ASIC2: variants seen among roughly 807,000 people sequenced by gnomAD.
ASIC2 encodes acid sensing ion channel subunit 2, also known as acid-sensing ion channel 2.
ASIC2 carries 25 observed loss-of-function variants against 57.3 expected under a neutral mutation model. That is an observed-to-expected ratio of 0.44 (90% CI 0.32 to 0.61). The LOEUF is 0.61. Among genes scored for constraint, ASIC2 ranks in the 20% least tolerant of loss-of-function variants. The probability of loss-of-function intolerance (pLI) is 0.06; values close to 1 mark genes in which losing one functional copy is unlikely to be tolerated. For missense variants in ASIC2, 641 were observed against 738.1 expected (o/e 0.87, Z 1.52); for synonymous variants, 319 against 307.5 (o/e 1.04, Z -0.39).
intron 1 of ASIC2, among the ~76,000 whole-genome samples, chr17:33,204,967 G>A (rs1213873217): frequency 6.6e-6 from 1 of 152,336 alleles, no homozygotes; most frequent in African/African-American, 2.4e-5. Flanking sequence ...GAGTCTACTT[G>A]AATGGACTAT....
intron 1 of ASIC2, among the ~76,000 whole-genome samples, chr17:34,083,721 G>A (rs972209851): frequency 1.3e-4 from 20 of 152,144 alleles, no homozygotes; most frequent in African/African-American, 4.8e-4. Context: ...ATTCTAACTG[G>A]TGTAAGATGA....
intron 1 of ASIC2, among the ~76,000 whole-genome samples, chr17:33,559,508 C>CTTGCCA (rs1342095080): frequency 6.6e-6 from 1 of 152,120 alleles, no homozygotes; most frequent in Non-Finnish European, 1.5e-5. Flanking sequence ...AGGTCGTGGT[C>CTTGCCA]TTGCCATTGC....
chr17:33,961,156 C>G (rs1036928500), intron 1 of ASIC2, among the ~76,000 whole-genome samples: 5 of 152,090 alleles, frequency 3.3e-5, no homozygotes, highest in Non-Finnish European at 7.4e-5. Flanking sequence ...ACAGAAGAAC[C>G]AAAATAATTT....
At chr17:33,449,868 A>G (rs920634865) in intron 1 of ASIC2, among the ~76,000 whole-genome samples, 1 of 151,744 alleles carries the variant, frequency 6.6e-6, no homozygotes, top group African/African-American at 2.4e-5. Flanking sequence ...TCTGCTTCCC[A>G]GGTTCAAGTG....
At chr17:33,720,693 T>C (rs559381288) in intron 1 of ASIC2, among the ~76,000 whole-genome samples, 1 of 152,300 alleles carries the variant, frequency 6.6e-6, no homozygotes, top group East Asian at 1.9e-4. Flanking sequence ...TTGACCTCAT[T>C]TGGGATAACT....
chr17:33,866,438 A>AT (rs995724081), intron 1 of ASIC2, among the ~76,000 whole-genome samples: 24 of 151,470 alleles, frequency 1.6e-4, no homozygotes, highest in Admixed American at 6.6e-4. Flanking sequence ...CCCCCCACAT[A>AT]TTTTTTTTTG....
intron 1 of ASIC2, among the ~76,000 whole-genome samples, chr17:33,800,808 T>C (rs1379747553): frequency 6.6e-6 from 1 of 152,202 alleles, no homozygotes; most frequent in East Asian, 1.9e-4. Context: ...CAATTTTTTA[T>C]CCTGCTATCA....
At chr17:33,263,332 G>GCTCCTGT (rs1909350888) in intron 1 of ASIC2, among the ~76,000 whole-genome samples, 2 of 152,332 alleles carry the variant, frequency 1.3e-5, no homozygotes, top group East Asian at 3.9e-4. Context: ...GTGGCTCCTG[G>GCTCCTGT]CTGTGAGTCC....
chr17:34,115,149 G>A (rs1301764773), intron 1 of ASIC2, among the ~76,000 whole-genome samples: 1 of 152,120 alleles, frequency 6.6e-6, no homozygotes. Flanking sequence ...ACAACTACTT[G>A]CTTAGTCACC....
At chr17:34,080,380 A>T (rs967559543) in intron 1 of ASIC2, among the ~76,000 whole-genome samples, 4 of 152,232 alleles carry the variant, frequency 2.6e-5, no homozygotes, top group Non-Finnish European at 5.9e-5. Context: ...CACTAAATTC[A>T]AAACACTCAA....
chr17:33,249,427 G>T (rs1223178518), intron 1 of ASIC2, among the ~76,000 whole-genome samples: 1 of 152,178 alleles, frequency 6.6e-6, no homozygotes, highest in Non-Finnish European at 1.5e-5. Context: ...GACTGGAGGA[G>T]ATGAGCAAGG....
chr17:33,574,794 A>AGAT, intron 1 of ASIC2, among the ~76,000 whole-genome samples: 1 of 152,198 alleles, frequency 6.6e-6, no homozygotes, highest in South Asian at 2.1e-4. Flanking sequence ...GGAGAGAGGA[A>AGAT]GATAGAACGG....
At chr17:33,034,508 A>T (rs1051527502) in intron 3 of ASIC2, among the ~76,000 whole-genome samples, 1 of 152,144 alleles carries the variant, frequency 6.6e-6, no homozygotes, top group Non-Finnish European at 1.5e-5. Flanking sequence ...AAACAAACAA[A>T]CAAATAAACA....
At chr17:33,805,316 C>A (rs1029109136) in intron 1 of ASIC2, among the ~76,000 whole-genome samples, 1 of 152,174 alleles carries the variant, frequency 6.6e-6, no homozygotes, top group Non-Finnish European at 1.5e-5. Flanking sequence ...TTCTCAGAAT[C>A]TTACTCTTGG....
intron 1 of ASIC2, chr17:34,038,972 T>C: frequency 6.2e-7 from 1 of 1,614,050 alleles, no homozygotes; most frequent in East Asian, 2.2e-5. Context: ...GTGTCGGACG[T>C]AGTAAAGTAG....
intron 1 of ASIC2, among the ~76,000 whole-genome samples, chr17:33,780,735 G>T (rs1911424272): frequency 6.6e-6 from 1 of 152,164 alleles, no homozygotes; most frequent in South Asian, 2.1e-4. Context: ...CTCAGGTTCT[G>T]CTCCCAGGCA....
intron 1 of ASIC2, among the ~76,000 whole-genome samples, chr17:34,087,646 G>A (rs1431706319): frequency 6.7e-6 from 1 of 150,346 alleles, no homozygotes; most frequent in Non-Finnish European, 1.5e-5. Context: ...TTCCAACTTG[G>A]TTCCATTCTC....
chr17:33,057,573 CA>C (rs2092003132), intron 3 of ASIC2, among the ~76,000 whole-genome samples: 1 of 152,248 alleles, frequency 6.6e-6, no homozygotes, highest in African/African-American at 2.4e-5. Context: ...TACCAAACCC[CA>C]GAGTCTTCCA....
intron 1 of ASIC2, among the ~76,000 whole-genome samples, chr17:33,347,668 C>T (rs1034918777): frequency 2.0e-5 from 3 of 152,086 alleles, no homozygotes; most frequent in East Asian, 1.9e-4. Flanking sequence ...ACAGAAACAT[C>T]GAAGGAGGGT....
Sources: gnomAD v4.1 joint callset for allele counts (sites outside exome capture counted in the v4.1 genomes callset) on GRCh38, gnomAD v4.1.1 for gene constraint, MANE v1.5 for transcripts, NCBI Gene and HGNC (gene_info 2026-07-23, HGNC 2026-07-21) for gene names.